Variants in BCAP29 observed in about 807,000 individuals in gnomAD.
BCAP29 encodes B cell receptor associated protein 29.
Under a neutral mutation model 31.8 loss-of-function variants are expected in BCAP29, and 34 were observed. The observed-to-expected ratio is 1.07, with a 90% CI of 0.81 to 1.42. The LOEUF (loss-of-function observed/expected upper bound fraction) is 1.42, where lower values mean the gene tolerates loss of function less well. BCAP29 is among the 40% of genes most tolerant of loss of function. The pLI is 0.00. For missense variants in BCAP29, 314 were observed against 269.2 expected, an observed-to-expected ratio of 1.17 and a Z score of -1.16; for synonymous variants, 104 against 91.3, an observed-to-expected ratio of 1.14 and a Z score of -0.79.
Position 107,618,492 on chromosome 7 carries a change from T to C in BCAP29, c.*129T>C. The C allele has an allele frequency of 6.2e-7, 1 of 1,612,360 alleles. No homozygotes were observed. The highest frequency in any genetic ancestry group is 8.5e-7 in the Non-Finnish European group (1 of 1,178,734). On this transcript the variant is annotated 3_prime_UTR_variant, in exon 8 of 8. Transcript: ENST00000005259. ...AATTTTTTTAATGCCACACATAGGT[T>C]GTATTGTAATGGCATTATCAAAATA... is the stretch of plus-strand genomic sequence containing the variant.
At chr7:107,581,831 A>C (rs185498381) in intron 2 of BCAP29, among the ~76,000 whole-genome samples, 1 of 152,290 alleles carries the variant, frequency 6.6e-6, no homozygotes, top group Non-Finnish European at 1.5e-5. Context: ...TAAGCTCAGT[A>C]AGTTGTTTCT....
chr7:107,613,479 A>G, intron 7 of BCAP29, 47 bp downstream of exon 7: 1 of 1,429,542 alleles, frequency 7.0e-7, no homozygotes, highest in African/African-American at 1.4e-5. Flanking sequence ...TGAAATAGTA[A>G]TTACCTAAGT....
chr7:107,586,819 C>G lies in BCAP29; in HGVS notation c.193+2837C>G, dbSNP rs554580387. Among the ~76,000 whole-genome samples, 3 of 150,098 alleles carry G rather than the reference C, an allele frequency of 2.0e-5. No individual in the cohort carries two copies. The East Asian group carries it at 5.9e-4, about 30-fold the overall frequency. On this transcript the variant is annotated intron_variant, in intron 3 of 7. Transcript: ENST00000005259. ...CTCAGCTCACTGCAACCTCCACTTTCCAGGCTCAAGTAATTCTCCAGCTGC... is the reference window on the plus strand; with the variant it reads ...CTCAGCTCACTGCAACCTCCACTTTGCAGGCTCAAGTAATTCTCCAGCTGC...
chr7:107,610,299 C>T (rs965540552), intron 6 of BCAP29, among the ~76,000 whole-genome samples: 2 of 152,172 alleles, frequency 1.3e-5, no homozygotes, highest in African/African-American at 2.4e-5. Context: ...CAAGTGATAG[C>T]AGCCCGTTTT....
At chr7:107,602,964 CTTTTT>C (rs34887499) in intron 6 of BCAP29, among the ~76,000 whole-genome samples, 76 of 68,310 alleles carry the variant, frequency 1.1e-3, no homozygotes, top group African/African-American at 4.5e-3. Context: ...TTCTTTTATT[CTTTTT>C]TTTTTTTTTT....
downstream of BCAP29, chr7:107,621,130 G>A (rs1025243925): frequency 6.5e-6 from 1 of 153,130 alleles, no homozygotes; most frequent in Non-Finnish European, 1.5e-5. Flanking sequence ...TCCCATCTGT[G>A]CGCCACCACC....
At chr7:107,595,253 A>G (rs1809604807) in intron 4 of BCAP29, among the ~76,000 whole-genome samples, 1 of 152,158 alleles carries the variant, frequency 6.6e-6, no homozygotes, top group African/African-American at 2.4e-5. Flanking sequence ...AGTGTCATTC[A>G]TGGTTGTAAT....
At chr7:107,593,870 T>G in intron 3 of BCAP29, 85 bp from the exon 4 acceptor site, 2 of 1,357,424 alleles carry the variant, frequency 1.5e-6, no homozygotes, top group Non-Finnish European at 2.0e-6. Context: ...AAAAGTTTGG[T>G]CAGTTTTTCT....
At chr7:107,623,236 T>C (rs541171087), downstream of BCAP29, 5 of 152,330 alleles carry the variant, frequency 3.3e-5, no homozygotes, top group East Asian at 5.8e-4. Context: ...GCCATAAATA[T>C]GTTTGTCCTA....
chr7:107,598,603 T>G (rs1346041806), intron 5 of BCAP29, among the ~76,000 whole-genome samples: 1 of 152,190 alleles, frequency 6.6e-6, no homozygotes, highest in South Asian at 2.1e-4. Context: ...TACAGCACCT[T>G]ACATTGTAAA....
At chr7:107,598,053 CA>C (rs1810177605) in intron 5 of BCAP29, among the ~76,000 whole-genome samples, 1 of 152,134 alleles carries the variant, frequency 6.6e-6, no homozygotes, top group East Asian at 1.9e-4. Flanking sequence ...CGTCAAGTTA[CA>C]CATCATAAAT....
intron 2 of BCAP29, 89 bp downstream of exon 2, chr7:107,580,953 A>C (rs1363141187): frequency 4.4e-6 from 4 of 909,650 alleles, no homozygotes; most frequent in Admixed American, 7.5e-5. Flanking sequence ...AAAAGTTTCG[A>C]AAGTCTTTGA....
chr7:107,603,425 AC>A (rs1247236103), intron 6 of BCAP29: 2 of 138,948 alleles, frequency 1.4e-5, no homozygotes, highest in East Asian at 2.1e-4. Context: ...GATATAAAAA[AC>A]ATCCCATATT....
At chr7:107,594,244 A>C in intron 4 of BCAP29, 139 bp downstream of exon 4, 1 of 722,266 alleles carries the variant, frequency 1.4e-6, no homozygotes, top group Non-Finnish European at 2.2e-6. Flanking sequence ...GCTGCAGTGC[A>C]GTGGTGCCTT....
chr7:107,593,930 A>G (rs1809334394), intron 3 of BCAP29, 25 bp from the exon 4 acceptor site: 14 of 1,561,616 alleles, frequency 9.0e-6, no homozygotes, highest in Non-Finnish European at 1.1e-5. Flanking sequence ...AGCCAAAAGT[A>G]CTGTTTTCTT....
chr7:107,582,690 G>C (rs1563123845), intron 2 of BCAP29, among the ~76,000 whole-genome samples: 1 of 152,114 alleles, frequency 6.6e-6, no homozygotes. Context: ...CCATAATATA[G>C]TGAGAACACA....
intron 3 of BCAP29, among the ~76,000 whole-genome samples, chr7:107,590,026 T>C (rs1414345642): frequency 6.6e-6 from 1 of 152,186 alleles, no homozygotes; most frequent in Non-Finnish European, 1.5e-5. Context: ...CAAGACTTGT[T>C]AGTAATCCTT....
At chr7:107,588,387 G>A (rs1420319376) in intron 3 of BCAP29, among the ~76,000 whole-genome samples, 2 of 152,092 alleles carry the variant, frequency 1.3e-5, no homozygotes, top group East Asian at 3.9e-4. Flanking sequence ...ACTTTAAAGT[G>A]TTTACTTTTA....
rs531958438 is a variant in BCAP29 at position 107,606,754 on chromosome 7, A to G, written c.589+6249A>G. Among the ~76,000 whole-genome samples, 102 of 152,378 alleles carry G rather than the reference A, an allele frequency of 6.7e-4. 1 individual carries two copies. Among genetic ancestry groups the G allele is most frequent in the African/African-American group, 2.4e-3 (101 of 41,598 alleles). The stretch of plus-strand genomic sequence containing the variant: ...GGAATAATAAAACTTTGCAGAAGAA[A>G]TGATTTAAGAAATTAGCATGTTCTT... On this transcript the variant is annotated intron_variant, in intron 6 of 7. Coordinates refer to ENST00000005259, the MANE Select transcript of BCAP29 (RefSeq NM_018844.4).
Sources: gnomAD v4.1 joint callset for allele counts (sites outside exome capture counted in the v4.1 genomes callset) on GRCh38, gnomAD v4.1.1 for gene constraint, MANE v1.5 for transcripts, NCBI Gene and HGNC (gene_info 2026-07-23, HGNC 2026-07-21) for gene names.